Variants in C4BPB observed in about 807,000 individuals in gnomAD.
C4BPB encodes the protein C4b-binding protein beta chain.
A neutral mutation model predicts 26.6 loss-of-function variants in C4BPB; 19 were observed. The observed-to-expected ratio is 0.71, with a 90% CI of 0.50 to 1.05. The LOEUF (loss-of-function observed/expected upper bound fraction) is 1.05, where lower values mean the gene tolerates loss of function less well. C4BPB is among the 50% of genes least tolerant of loss of function. C4BPB has a pLI of 0.00. For missense variants in C4BPB, 282 were observed against 302.9 expected (o/e 0.93, Z 0.51); for synonymous variants, 118 against 103.5 (o/e 1.14, Z -0.85).
In C4BPB at chr1:207,090,435, T is replaced by C. The variant is rs757438876; in HGVS notation, c.186T>C (p.Phe62=). ...GYHLVGKKTL[F]CNASKEWDNT... is the part of the protein sequence containing the mutation. The stretch of plus-strand genomic sequence containing the variant: ...ACCTGGTAGGAAAGAAGACCCTTTT[T>C]TGCAATGCCTCTAAGGAGTGGGATA... The change falls in exon 3 of 7, where the codon TTT becomes TTC. Residue 62 remains phenylalanine (F), a synonymous_variant. Coordinates refer to ENST00000367078, the MANE Select transcript of C4BPB (RefSeq NM_001017365.3). The C allele has an allele frequency of 2.5e-6, 4 of 1,614,056 alleles. No homozygotes were observed. Among genetic ancestry groups the C allele is most frequent in the Non-Finnish European group, 3.4e-6 (4 of 1,179,942 alleles).
intron 2 of C4BPB, 30 bp from the exon 3 acceptor site, chr1:207,090,278 C>T: frequency 6.4e-7 from 1 of 1,562,250 alleles, no homozygotes; most frequent in South Asian, 1.2e-5. Context: ...CATGATATGC[C>T]AAGTGAATCT....
chr1:207,096,134 C>T (rs1684240897), intron 4 of C4BPB: 1 of 245,122 alleles, frequency 4.1e-6, no homozygotes, highest in Non-Finnish European at 8.0e-6. Flanking sequence ...AGCTCACACG[C>T]TTCATCTCCT....
chr1:207,093,374 G>A (rs11120192), intron 4 of C4BPB, among the ~76,000 whole-genome samples: 1 of 151,528 alleles, frequency 6.6e-6, no homozygotes, highest in African/African-American at 2.4e-5. Flanking sequence ...GGATCAAAGG[G>A]AAAGGAATAC....
At chr1:207,097,895 C>T (rs1684321830) in intron 5 of C4BPB, 1 of 343,390 alleles carries the variant, frequency 2.9e-6, no homozygotes, top group Non-Finnish European at 5.3e-6. Flanking sequence ...TGTGTAAACA[C>T]CTGATTCAGA....
Position 207,090,366 on chromosome 1 carries a change from G to A in C4BPB, c.117G>A (p.Val39=), listed in dbSNP as rs1419045978. The change falls in exon 3 of 7, where the codon GTG becomes GTA. Residue 39 remains valine, a synonymous_variant. Coordinates refer to ENST00000367078, the MANE Select transcript of C4BPB (RefSeq NM_001017365.3). Reference sequence around the variant, plus strand: ...ATAGCATATTTGTCGCAAAGGAGGTGGAAGGACAGATTCTGGGGACTTACG... The same window carrying A: ...ATAGCATATTTGTCGCAAAGGAGGTAGAAGGACAGATTCTGGGGACTTACG... The part of the protein sequence containing the change: ...VDNSIFVAKE[V]EGQILGTYVC... The A allele has an allele frequency of 1.9e-6, 3 of 1,613,988 alleles. No homozygotes were observed. The highest frequency in any genetic ancestry group is 1.7e-5 in the Admixed American group (1 of 60,026).
At chr1:207,091,544 C>T in intron 3 of C4BPB, 100 bp from the exon 4 acceptor site, 6 of 865,388 alleles carry the variant, frequency 6.9e-6, no homozygotes, top group Non-Finnish European at 1.1e-5. Flanking sequence ...AGTATTAACT[C>T]TAATTTGCTG....
Position 207,091,692 on chromosome 1 carries a change from C to A in C4BPB, c.281C>A (p.Ser94Ter). Reference protein sequence around the residue: ...PVLVNGEFSSSGPVNVSDKIT... With the variant: ...PVLVNGEFSS The stretch of plus-strand genomic sequence containing the variant: ...CTGGTGAATGGAGAGTTCAGTTCTT[C>A]AGGGCCTGTGAATGTAAGTGACAAA... The change falls in exon 4 of 7, where the codon TCA becomes TAA. Residue 94 changes from serine (S) to a stop codon, truncating the protein, a stop_gained. Coordinates refer to ENST00000367078, the MANE Select transcript of C4BPB (RefSeq NM_001017365.3). LOFTEE classifies it high-confidence loss of function. 6.2e-7 allele frequency: 1 copy of A among 1,614,024 alleles called. No homozygotes were observed. Among genetic ancestry groups the A allele is most frequent in the Non-Finnish European group, 8.5e-7 (1 of 1,179,954 alleles).
intron 4 of C4BPB, 68 bp from the exon 5 acceptor site, chr1:207,096,454 A>G (rs1286677961): frequency 1.1e-6 from 1 of 922,326 alleles, no homozygotes; most frequent in Non-Finnish European, 1.8e-6. Flanking sequence ...AACAGCTGCA[A>G]TTAGGGGTGC....
In C4BPB at chr1:207,099,805, G is replaced by T. The variant is rs554029221; in HGVS notation, c.635G>T (p.Ser212Ile). ...CEKALLAFQE[S>I]KNLCEAMENF... ...TTTCTTCAGCTTGCCTTTCAGGAGA[G>T]TAAGAACCTCTGCGAAGCCATGGAG... The change falls in exon 7 of 7, where the codon AGT becomes ATT. Residue 212 changes from serine (S) to isoleucine (I), a missense_variant. Physicochemically the swap from Ser to Ile is moderately radical, Grantham distance 142. Coordinates refer to ENST00000367078, the MANE Select transcript of C4BPB (RefSeq NM_001017365.3). The T allele has an allele frequency of 6.2e-7, 1 of 1,613,498 alleles. No homozygotes were observed. The highest frequency in any genetic ancestry group is 1.3e-5 in the African/African-American group (1 of 75,010).
At chr1:207,089,137 G>A (rs992387850) in intron 1 of C4BPB, 191 bp downstream of exon 1, 1 of 184,144 alleles carries the variant, frequency 5.4e-6, no homozygotes, top group African/African-American at 2.4e-5. Context: ...GTAAACATTG[G>A]CAACTATTGA....
chr1:207,093,588 C>T (rs1014175116), intron 4 of C4BPB, among the ~76,000 whole-genome samples: 1 of 152,080 alleles, frequency 6.6e-6, no homozygotes, highest in Non-Finnish European at 1.5e-5. Context: ...CTCTAGCTCA[C>T]ACCATATTCA....
chr1:207,098,231 G>A lies in C4BPB; in HGVS notation c.585G>A (p.Gln195=). 6.2e-7 allele frequency: 1 copy of A among 1,613,864 alleles called. No individual in the cohort carries two copies. The highest frequency in any genetic ancestry group is 8.5e-7 in the Non-Finnish European group (1 of 1,179,742). The change falls in exon 6 of 7, where the codon CAG becomes CAA. Residue 195 remains glutamine (Q), a synonymous_variant. Transcript: ENST00000367078. ...SSALPVCKLI[Q]EAPKPECEKA... ...CACTTCCAGTCTGCAAGTTGATCCA[G>A]GAAGCTCCCAAACCAGAGTGTGAGA...
intron 3 of C4BPB, among the ~76,000 whole-genome samples, chr1:207,091,226 T>C (rs1265746058): frequency 2.0e-5 from 3 of 152,232 alleles, no homozygotes; most frequent in Non-Finnish European, 2.9e-5. Flanking sequence ...CTCCTGTTTT[T>C]TTCCATGCCA....
chr1:207,091,599 G>C, intron 3 of C4BPB, 45 bp from the exon 4 acceptor site: 1 of 1,552,076 alleles, frequency 6.4e-7, no homozygotes, highest in Non-Finnish European at 8.8e-7. Context: ...GCTGTGTTGG[G>C]CTTCAGCTTT....
At position 207,099,802 on chromosome 1, in the gene C4BPB, A is replaced by C; in HGVS notation, c.632A>C (p.Glu211Ala). Residue 211 changes from glutamate to alanine, a missense_variant, in exon 7 of 7, where the codon GAG (glutamate) becomes GCG (alanine). Glu to Ala is a moderately radical substitution (Grantham distance 107). Transcript: ENST00000367078. ...TTCTTTCTTCAGCTTGCCTTTCAGG[A>C]GAGTAAGAACCTCTGCGAAGCCATG... ...ECEKALLAFQ[E>A]SKNLCEAMEN... 6.2e-7 allele frequency: 1 copy of C among 1,611,728 alleles called. No homozygotes were observed. Among genetic ancestry groups the C allele is most frequent in the East Asian group, 2.2e-5 (1 of 44,858 alleles).
chr1:207,092,841 G>A (rs972830587), intron 4 of C4BPB, among the ~76,000 whole-genome samples: 1 of 151,846 alleles, frequency 6.6e-6, no homozygotes, highest in East Asian at 1.9e-4. Context: ...TGGCCAGACT[G>A]GTCTTGAACT....
At chr1:207,091,892 TC>T in intron 4 of C4BPB, 72 bp downstream of exon 4, 3 of 1,274,688 alleles carry the variant, frequency 2.4e-6, no homozygotes, top group Non-Finnish European at 3.2e-6. Context: ...ATTTGCCACA[TC>T]CCTGGGATGC....
chr1:207,096,177 A>G (rs1684242068), intron 4 of C4BPB: 1 of 286,600 alleles, frequency 3.5e-6, no homozygotes, highest in South Asian at 3.3e-5. Context: ...GCCTTCACCT[A>G]TGGCCCAATT....
chr1:207,099,443 G>A (rs1684381647), intron 6 of C4BPB, among the ~76,000 whole-genome samples: 1 of 152,142 alleles, frequency 6.6e-6, no homozygotes, highest in African/African-American at 2.4e-5. Context: ...TGTGGCCCTG[G>A]GGTTGGGGAT....
Sources: allele counts gnomAD v4.1 joint callset (sites outside exome capture counted in the v4.1 genomes callset), GRCh38; gene constraint gnomAD v4.1.1; transcripts MANE v1.5; gene names NCBI Gene and HGNC (gene_info 2026-07-23, HGNC 2026-07-21).